Variants in AUTS2 observed in about 807,000 individuals in gnomAD.
The protein encoded by AUTS2 is autism susceptibility gene 2 protein.
In AUTS2, 17 loss-of-function variants were observed where a neutral mutation model predicts 112.4. That is an observed-to-expected ratio of 0.15 (90% CI 0.10 to 0.23). AUTS2 has a LOEUF of 0.23. Ranked by LOEUF, AUTS2 falls within the 10% of genes least tolerant of loss-of-function variation. The probability of loss-of-function intolerance (pLI) is 1.00; values close to 1 mark genes in which losing one functional copy is unlikely to be tolerated. For synonymous variants in AUTS2, 751 were observed against 702.7 expected (o/e 1.07, Z -1.09); for missense variants, 1,510 against 1,701.6 (o/e 0.89, Z 1.98).
At chr7:70,257,677 C>T (rs1310181291) in intron 4 of AUTS2, among the ~76,000 whole-genome samples, 2 of 149,368 alleles carry the variant, frequency 1.3e-5, no homozygotes, top group Non-Finnish European at 3.0e-5. Flanking sequence ...AGGCTGGTCT[C>T]AAACTTCTGG....
At chr7:70,114,345 T>G (rs1392969744) in intron 2 of AUTS2, among the ~76,000 whole-genome samples, 1 of 152,258 alleles carries the variant, frequency 6.6e-6, no homozygotes, top group Non-Finnish European at 1.5e-5. Flanking sequence ...CAGATCAATT[T>G]TTCTTAGCTC....
rs140114103 is a variant in AUTS2, at chr7:70,578,263, G to A, written c.691-120306G>A. Among the ~76,000 whole-genome samples, 19 of 152,310 alleles carry A rather than the reference G, an allele frequency of 1.2e-4. No homozygotes were observed. In the East Asian group the frequency reaches 2.1e-3, roughly 17 times the overall value. On this transcript the variant is annotated intron_variant, in intron 5 of 18. Coordinates refer to ENST00000342771, the MANE Select transcript of AUTS2 (RefSeq NM_015570.4). The stretch of plus-strand genomic sequence containing the variant: ...AGTCTAGAGATGGCAAATAAGTTTC[G>A]ATTGTCCTGCTATCTATGGTTTGTT...
chr7:69,847,564 C>A (rs1019132067), intron 1 of AUTS2, among the ~76,000 whole-genome samples: 5 of 152,166 alleles, frequency 3.3e-5, no homozygotes, highest in Admixed American at 1.3e-4. Context: ...GTCCTGCTTC[C>A]CTGACCTACA....
chr7:69,613,704 T>C (rs1038668886), intron 1 of AUTS2, among the ~76,000 whole-genome samples: 5 of 152,212 alleles, frequency 3.3e-5, no homozygotes, highest in African/African-American at 1.2e-4. Context: ...TTTTGTCTTG[T>C]CTGCTTTTAA....
chr7:70,604,794 C>T (rs779401780), intron 5 of AUTS2, among the ~76,000 whole-genome samples: 1 of 152,248 alleles, frequency 6.6e-6, no homozygotes, highest in Non-Finnish European at 1.5e-5. Context: ...GTACCTTCCA[C>T]CATGTGGCAT....
chr7:70,735,727 G>A (rs1787744791), intron 6 of AUTS2, among the ~76,000 whole-genome samples: 1 of 152,104 alleles, frequency 6.6e-6, no homozygotes, highest in Non-Finnish European at 1.5e-5. Context: ...AGAATACTGT[G>A]TTATTAGAAT....
chr7:70,293,835 C>G (rs1194291735), intron 4 of AUTS2: 1 of 152,166 alleles, frequency 6.6e-6, no homozygotes, highest in Non-Finnish European at 1.5e-5. Context: ...TATTCCACCT[C>G]TTTGGAGCAT....
At chr7:70,615,537 A>G (rs1042448117) in intron 5 of AUTS2, among the ~76,000 whole-genome samples, 30 of 120,480 alleles carry the variant, frequency 2.5e-4, no homozygotes, top group Admixed American at 1.4e-3. Context: ...TCAGGCTTAG[A>G]AAAAAAAAAC....
chr7:70,340,117 G>C (rs943829581), intron 4 of AUTS2, among the ~76,000 whole-genome samples: 2 of 150,306 alleles, frequency 1.3e-5, no homozygotes, highest in East Asian at 3.9e-4. Context: ...TACACTATTA[G>C]TTTTTCTCTC....
intron 5 of AUTS2, among the ~76,000 whole-genome samples, chr7:70,635,820 C>T (rs900297450): frequency 2.6e-5 from 4 of 152,146 alleles, no homozygotes; most frequent in African/African-American, 9.7e-5. Context: ...AAGATGGACC[C>T]TAGGAGAGAC....
intron 1 of AUTS2, among the ~76,000 whole-genome samples, chr7:69,728,504 T>C (rs1024018766): frequency 5.9e-5 from 9 of 152,244 alleles, no homozygotes; most frequent in African/African-American, 2.2e-4. Flanking sequence ...GTCTTTTTAA[T>C]GTAATGTCTT....
At chr7:69,779,146 C>T (rs1261582745) in intron 1 of AUTS2, among the ~76,000 whole-genome samples, 4 of 151,088 alleles carry the variant, frequency 2.6e-5, no homozygotes, top group Admixed American at 6.6e-5. Flanking sequence ...GTCTCTGCCT[C>T]CCAAAGTGCT....
chr7:69,868,084 A>C (rs1347547479), intron 1 of AUTS2, among the ~76,000 whole-genome samples: 1 of 152,178 alleles, frequency 6.6e-6, no homozygotes, highest in Admixed American at 6.6e-5. Flanking sequence ...GAAAAATTTA[A>C]GTTTATTGTG....
rs941276580 is a variant in AUTS2 at position 69,648,591 on chromosome 7, T to G, written c.309+48629T>G. The stretch of plus-strand genomic sequence containing the variant: ...TGTAGTAACTTTTTTCATAGTGTAG[T>G]AGAACAGTCTTTGGCTCCTCTTCTT... On this transcript the variant is annotated intron_variant, in intron 1 of 18. Transcript: ENST00000342771. Among the ~76,000 whole-genome samples the G allele has an allele frequency of 2.6e-5, 4 of 152,130 alleles. No homozygotes were observed. The East Asian group carries it at 7.7e-4, about 29-fold the overall frequency.
At chr7:70,190,762 G>A (rs2129582886) in intron 4 of AUTS2, among the ~76,000 whole-genome samples, 1 of 152,208 alleles carries the variant, frequency 6.6e-6, no homozygotes, top group South Asian at 2.1e-4. Flanking sequence ...TAAAGTAATA[G>A]GAGTTTCCTA....
At chr7:69,713,681 G>A (rs1213105803) in intron 1 of AUTS2, among the ~76,000 whole-genome samples, 2 of 151,922 alleles carry the variant, frequency 1.3e-5, no homozygotes, top group African/African-American at 2.4e-5. Context: ...AGCTGGTCTC[G>A]AACTCCTGAC....
At chr7:70,590,172 A>G (rs916295555) in intron 5 of AUTS2, among the ~76,000 whole-genome samples, 4 of 148,482 alleles carry the variant, frequency 2.7e-5, no homozygotes, top group Admixed American at 6.7e-5. Flanking sequence ...ATATATATAT[A>G]TATGTATAAA....
chr7:69,714,289 G>GTGTGTGTGTGTGTGTT (rs1364673983), intron 1 of AUTS2, among the ~76,000 whole-genome samples: 4 of 149,724 alleles, frequency 2.7e-5, no homozygotes, highest in African/African-American at 7.4e-5. Context: ...GTGTGTGTGT[G>GTGTGTGTGTGTGTGTT]TAGAGACCAA....
At position 70,762,978 on chromosome 7, in the gene AUTS2, G is replaced by A. The variant is rs746314069; in HGVS notation, c.851G>A (p.Cys284Tyr). 1.2e-5 allele frequency: 19 copies of A among 1,614,028 alleles called. No individual in the cohort carries two copies. The highest frequency in any genetic ancestry group is 2.2e-5 in the East Asian group (1 of 44,880). The change falls in exon 7 of 19, where the codon TGT (cysteine) becomes TAT (tyrosine). Residue 284 changes from cysteine (C) to tyrosine (Y), a missense_variant. Cys to Tyr is a radical substitution (Grantham distance 194). Coordinates refer to ENST00000342771, the MANE Select transcript of AUTS2 (RefSeq NM_015570.4). ...LERSQEKSQD[C>Y]CKEPIFEPVV... ...AGAAGCCAGGAGAAGAGCCAGGACTGTTGCAAAGAGCCAATCTTTGAGCCT... is the reference window on the plus strand; with the variant it reads ...AGAAGCCAGGAGAAGAGCCAGGACTATTGCAAAGAGCCAATCTTTGAGCCT...
Sources: gnomAD v4.1 joint callset for allele counts (sites outside exome capture counted in the v4.1 genomes callset) on GRCh38, gnomAD v4.1.1 for gene constraint, MANE v1.5 for transcripts, NCBI Gene and HGNC (gene_info 2026-07-23, HGNC 2026-07-21) for gene names.